CENPN: variants seen among roughly 807,000 people sequenced by gnomAD.
The protein encoded by CENPN is interphase centromere complex protein 32.
A neutral mutation model predicts 48.6 loss-of-function variants in CENPN; 36 were observed. The observed-to-expected ratio is 0.74, with a 90% CI of 0.57 to 0.98. The LOEUF is 0.98. CENPN is among the 50% of genes least tolerant of loss of function. CENPN has a pLI of 0.00. For synonymous variants in CENPN, 166 were observed against 135.2 expected (o/e 1.23, Z -1.58); for missense variants, 439 against 399.2 (o/e 1.10, Z -0.85).
chr16:81,016,485 G>A (rs947225722), intron 3 of CENPN, among the ~76,000 whole-genome samples: 1 of 152,202 alleles, frequency 6.6e-6, no homozygotes, highest in Non-Finnish European at 1.5e-5. Flanking sequence ...AATGTGGCTG[G>A]GCACGATGGC....
chr16:81,007,736 C>G (rs1244756090), intron 1 of CENPN, among the ~76,000 whole-genome samples: 2 of 152,164 alleles, frequency 1.3e-5, no homozygotes, highest in Non-Finnish European at 2.9e-5. Context: ...TAAAATGGAT[C>G]TTTTTGATCA....
chr16:81,032,457 A>T, downstream of CENPN: 1 of 1,056,170 alleles, frequency 9.5e-7, no homozygotes, highest in Non-Finnish European at 1.4e-6. Context: ...GGGTTGGGGA[A>T]TCATCACTCT....
Position 81,028,834 on chromosome 16 carries a change from C to G in CENPN, c.*183C>G. On this transcript the variant is annotated 3_prime_UTR_variant, in exon 11 of 11. Coordinates refer to ENST00000305850, the MANE Select transcript of CENPN (RefSeq NM_001100624.3). ...CATTCCTCCACGATATGCCTCCTCT[C>G]TCTGATATCCTGCTAACTGTAGCCG... 7.3e-7 allele frequency: 1 copy of G among 1,372,380 alleles called. No individual in the cohort carries two copies. The highest frequency in any genetic ancestry group is 9.4e-7 in the Non-Finnish European group (1 of 1,068,428). 85.0% of individuals were successfully genotyped at this position (1,372,380 alleles called of 1,614,324 possible).
intron 9 of CENPN, 61 bp from the exon 10 acceptor site, chr16:81,028,110 T>C: frequency 8.0e-7 from 1 of 1,242,980 alleles, no homozygotes; most frequent in Non-Finnish European, 1.2e-6. Flanking sequence ...GATTTCATTA[T>C]ATTTTACCAT....
rs1248682158 is a variant in CENPN at position 81,031,096 on chromosome 16, A to G, written c.*2445A>G. On this transcript the variant is annotated 3_prime_UTR_variant, in exon 11 of 11. Transcript: ENST00000305850. ...AATAAATGACATCACTTTGGTTCAGAGCTCTAAAATGGAGGGAGGAAGCCA... is the reference window on the plus strand; with the variant it reads ...AATAAATGACATCACTTTGGTTCAGGGCTCTAAAATGGAGGGAGGAAGCCA... The G allele has an allele frequency of 1.3e-5, 2 of 152,028 alleles. No homozygotes were observed. Among genetic ancestry groups the G allele is most frequent in the African/African-American group, 4.8e-5 (2 of 41,384 alleles). The allele number at this position is 152,028 out of a possible 1,614,324, so 9.4% of individuals were successfully genotyped here.
intron 1 of CENPN, among the ~76,000 whole-genome samples, chr16:81,009,156 G>A (rs1257070769): frequency 6.6e-6 from 1 of 152,194 alleles, no homozygotes; most frequent in East Asian, 1.9e-4. Flanking sequence ...GCAGGAGGCT[G>A]CAGTGAGCAG....
At chr16:81,009,182 A>G (rs763898635) in intron 1 of CENPN, among the ~76,000 whole-genome samples, 2 of 152,036 alleles carry the variant, frequency 1.3e-5, no homozygotes. Context: ...CCACTACTAC[A>G]CTCTAATGTG....
intron 1 of CENPN, among the ~76,000 whole-genome samples, chr16:81,008,966 G>A (rs532995086): frequency 7.2e-5 from 11 of 152,352 alleles, no homozygotes; most frequent in African/African-American, 2.6e-4. Flanking sequence ...CAGTACTTTG[G>A]GAGGCCGAGG....
intron 8 of CENPN, among the ~76,000 whole-genome samples, chr16:81,026,211 GTA>G (rs112948200): frequency 1.4e-4 from 21 of 147,426 alleles, no homozygotes; most frequent in Admixed American, 2.7e-4. Flanking sequence ...ATATGTGTGT[GTA>G]TATATATATA....
chr16:81,016,451 G>A (rs1969935708), intron 3 of CENPN, among the ~76,000 whole-genome samples: 1 of 152,186 alleles, frequency 6.6e-6, no homozygotes, highest in Non-Finnish European at 1.5e-5. Flanking sequence ...GACAGGCAGT[G>A]TACAAATGAA....
chr16:81,014,268 T>G, intron 3 of CENPN, 87 bp downstream of exon 3: 1 of 1,132,140 alleles, frequency 8.8e-7, no homozygotes, highest in Non-Finnish European at 1.3e-6. Flanking sequence ...AGGGTCTCCC[T>G]CTGTCGCCCA....
At chr16:81,022,389 A>G in intron 6 of CENPN, 1 of 511,862 alleles carries the variant, frequency 2.0e-6, no homozygotes, top group South Asian at 2.6e-5. Flanking sequence ...AAGAAATGAT[A>G]CAAAAGACTG....
At chr16:81,023,609 T>A in intron 7 of CENPN, 1 of 152,126 alleles carries the variant, frequency 6.6e-6, no homozygotes, top group East Asian at 1.9e-4. Flanking sequence ...CCTACTACCC[T>A]CTCACCAAAT....
rs200191233 is a variant in CENPN at position 81,024,737 on chromosome 16, C to T, written c.656C>T (p.Thr219Met). Reference sequence around the variant, plus strand: ...TAGACCTTTGAAACTCACAACTCTACGACACCTCTACAGGAAAGAAGCCTT... The same window carrying T: ...TAGACCTTTGAAACTCACAACTCTATGACACCTCTACAGGAAAGAAGCCTT... ...YNQTFETHNS[T>M]TPLQERSLGL... The change falls in exon 8 of 11, where the codon ACG (threonine) becomes ATG (methionine). Residue 219 changes from threonine to methionine, a missense_variant. Coordinates refer to ENST00000305850, the MANE Select transcript of CENPN (RefSeq NM_001100624.3). The T allele has an allele frequency of 5.2e-5, 84 of 1,609,962 alleles. 1 individual carries two copies. The highest frequency in any genetic ancestry group is 2.8e-4 in the South Asian group (25 of 90,550).
chr16:81,019,751 C>T (rs1451191399), intron 5 of CENPN, among the ~76,000 whole-genome samples: 1 of 151,658 alleles, frequency 6.6e-6, no homozygotes, highest in Non-Finnish European at 1.5e-5. Context: ...TGGCACGTGC[C>T]TGTGGTCTCA....
At chr16:81,022,769 T>G in intron 7 of CENPN, 71 bp downstream of exon 7, 1 of 1,614,114 alleles carries the variant, frequency 6.2e-7, no homozygotes, top group Non-Finnish European at 8.5e-7. Flanking sequence ...TAGAAGCTAC[T>G]GGGAAAATCT....
intron 1 of CENPN, among the ~76,000 whole-genome samples, chr16:81,008,323 G>A (rs3759935): frequency 0.038 from 5,732 of 152,080 alleles, 142 homozygotes; most frequent in Admixed American, 0.061. Context: ...ATTTGATAGG[G>A]CCCAGGAATC....
intron 9 of CENPN, among the ~76,000 whole-genome samples, chr16:81,027,391 G>A (rs1970552600): frequency 2.0e-5 from 3 of 152,110 alleles, no homozygotes; most frequent in Admixed American, 1.3e-4. Flanking sequence ...GCACTGAAGC[G>A]GGAGAATGGC....
Position 81,028,662 on chromosome 16 carries a change from G to C in CENPN, c.*11G>C. The C allele has an allele frequency of 6.2e-7, 1 of 1,608,202 alleles. No homozygotes were observed. Among genetic ancestry groups the C allele is most frequent in the Non-Finnish European group, 8.5e-7 (1 of 1,178,648 alleles). ...ATTAGAGATAAATAAGACGTGCGTG[G>C]TTTCTTAAGCACAGCTCCTCCTTCT... On this transcript the variant is annotated 3_prime_UTR_variant, in exon 11 of 11. Transcript: ENST00000305850.
Sources: gnomAD v4.1 joint callset for allele counts (sites outside exome capture counted in the v4.1 genomes callset) on GRCh38, gnomAD v4.1.1 for gene constraint, MANE v1.5 for transcripts, NCBI Gene and HGNC (gene_info 2026-07-23, HGNC 2026-07-21) for gene names.